The following ARHGAP20 variants were observed in gnomAD, a reference collection of about 807,000 sequenced individuals.
ARHGAP20 encodes Rho GTPase activating protein 20.
In ARHGAP20, 34 loss-of-function variants were observed where a neutral mutation model predicts 73.7. The observed-to-expected ratio is 0.46, with a 90% CI of 0.35 to 0.61. The LOEUF (loss-of-function observed/expected upper bound fraction) is 0.61. Among genes scored for constraint, ARHGAP20 ranks in the 20% least tolerant of loss-of-function variants. The pLI, the probability that ARHGAP20 is intolerant of heterozygous loss-of-function variation, is 0.00. For missense variants in ARHGAP20, 1,314 were observed against 1,420.9 expected (o/e 0.92, Z 1.21); for synonymous variants, 523 against 518.2 (o/e 1.01, Z -0.13).
chr11:110,585,129 GTGAATGTATATA>G (rs1276751753), intron 12 of ARHGAP20, among the ~76,000 whole-genome samples: 2 of 150,260 alleles, frequency 1.3e-5, no homozygotes, highest in Non-Finnish European at 3.0e-5. Context: ...ATGAATATAT[GTGAATGTATATA>G]TGAATATATA....
chr11:110,581,168 T>C lies in ARHGAP20; in HGVS notation c.1778A>G (p.Asn593Ser). ...ACTGCATGGTGCATCAACATCCTCA[T>C]TTAGCTCATTTTCCAAGCTGTCATA... The part of the protein sequence containing the change: ...SSYDSLENEL[N>S]EDVDAPCSDL... The change falls in exon 15 of 15, where the codon AAT becomes AGT. Residue 593 changes from asparagine (N) to serine (S), a missense_variant. Around this residue, in one of 3 missense-constraint regions of ARHGAP20, gnomAD observed 230 missense variants for 317.6 expected, o/e 0.72. Transcript: ENST00000683387. The C allele has an allele frequency of 6.2e-7, 1 of 1,614,136 alleles. No homozygotes were observed. Among genetic ancestry groups the C allele is most frequent in the Non-Finnish European group, 8.5e-7 (1 of 1,180,012 alleles).
chr11:110,622,509 A>G (rs116503706), intron 4 of ARHGAP20, among the ~76,000 whole-genome samples: 1 of 152,318 alleles, frequency 6.6e-6, no homozygotes, highest in African/African-American at 2.4e-5. Flanking sequence ...GTACATTACT[A>G]TCAAACTCTT....
At chr11:110,698,020 G>C (rs1043520311) in intron 1 of ARHGAP20, among the ~76,000 whole-genome samples, 1 of 151,640 alleles carries the variant, frequency 6.6e-6, no homozygotes, top group Non-Finnish European at 1.5e-5. Context: ...GAATAGTATG[G>C]GCATTTTAAT....
intron 2 of ARHGAP20, among the ~76,000 whole-genome samples, chr11:110,672,200 A>G (rs939303552): frequency 3.3e-5 from 5 of 152,170 alleles, no homozygotes; most frequent in Non-Finnish European, 5.9e-5. Flanking sequence ...TGCATCTCTA[A>G]AAGTACTGTT....
chr11:110,640,244 C>T (rs1221469945), intron 2 of ARHGAP20, among the ~76,000 whole-genome samples: 1 of 151,918 alleles, frequency 6.6e-6, no homozygotes, highest in Non-Finnish European at 1.5e-5. Flanking sequence ...ATCTATACTA[C>T]TCACCTCTCT....
chr11:110,635,508 G>T (rs1216945636), intron 2 of ARHGAP20, among the ~76,000 whole-genome samples: 1 of 152,034 alleles, frequency 6.6e-6, no homozygotes. Flanking sequence ...AGTATAAGTA[G>T]TTTATAGTTC....
Position 110,606,765 on chromosome 11 carries a change from T to TCTAAA in ARHGAP20, c.776-21_776-17dup. On this transcript the variant is annotated splice_polypyrimidine_tract_variant and intron_variant, in intron 8 of 14. Transcript: ENST00000683387. ...TATTCATGCCCTACACAGAGACAAATCTAAATGTAGACTTCAGGCTGACTG... is the reference window on the plus strand; with the variant it reads ...TATTCATGCCCTACACAGAGACAAATCTAAACTAAATGTAGACTTCAGGCTGACTG... 1 of 1,508,254 alleles carries TCTAAA rather than the reference T, an allele frequency of 6.6e-7. No homozygotes were observed. The highest frequency in any genetic ancestry group is 8.9e-7 in the Non-Finnish European group (1 of 1,128,936). 93.4% of individuals were successfully genotyped at this position (1,508,254 alleles called of 1,614,324 possible). A position where few individuals can be genotyped will look rare whatever the true frequency, so the allele number is the denominator to read the frequency against.
intron 10 of ARHGAP20, 129 bp from the exon 11 acceptor site, chr11:110,590,938 TAA>T: frequency 1.1e-6 from 1 of 943,900 alleles, no homozygotes. Context: ...TGGAGCTAAA[TAA>T]ATGGCCGGAA....
At chr11:110,674,366 A>G (rs1949889380) in intron 2 of ARHGAP20, among the ~76,000 whole-genome samples, 1 of 152,206 alleles carries the variant, frequency 6.6e-6, no homozygotes, top group Non-Finnish European at 1.5e-5. Flanking sequence ...AGCAATTATT[A>G]ATACAGGTTG....
chr11:110,711,677 C>T (rs879401625), intron 1 of ARHGAP20: 75 of 1,460,404 alleles, frequency 5.1e-5, no homozygotes, highest in Non-Finnish European at 6.3e-5. Flanking sequence ...CGCCGGCTGC[C>T]GCTCCCGGGC....
chr11:110,609,381 A>G (rs1350364873), intron 7 of ARHGAP20, among the ~76,000 whole-genome samples: 1 of 152,150 alleles, frequency 6.6e-6, no homozygotes, highest in Non-Finnish European at 1.5e-5. Context: ...AGACAACCTT[A>G]TTATCCAGAA....
chr11:110,619,444 A>C (rs1321394416), intron 4 of ARHGAP20, among the ~76,000 whole-genome samples: 1 of 151,232 alleles, frequency 6.6e-6, no homozygotes, highest in East Asian at 1.9e-4. Context: ...GCAGTGATAG[A>C]GTATATGTAG....
At chr11:110,584,805 T>C (rs1393750112) in intron 12 of ARHGAP20, among the ~76,000 whole-genome samples, 1 of 151,786 alleles carries the variant, frequency 6.6e-6, no homozygotes, top group Non-Finnish European at 1.5e-5. Flanking sequence ...GTCAGTTTTG[T>C]TTGTATTTAT....
At chr11:110,674,204 G>T (rs1346785786) in intron 2 of ARHGAP20, among the ~76,000 whole-genome samples, 4 of 152,112 alleles carry the variant, frequency 2.6e-5, no homozygotes, top group Non-Finnish European at 4.4e-5. Flanking sequence ...AAAGTGCTGG[G>T]ATTACAGGCG....
In ARHGAP20 at chr11:110,624,198, A is replaced by C. The variant is rs1948687498; in HGVS notation, c.467T>G (p.Leu156Trp). ...CACAAAGTTCACTGTGGGCCAGCCC[A>C]AAACAAAGGATTTCATGGCATTGGT... ...GNTNAMKSFV[L>W]GWPTVNFVAT... Residue 156 changes from leucine to tryptophan, a missense_variant, in exon 4 of 15, where the codon TTG becomes TGG. This residue lies in a region of ARHGAP20 where 443 missense variants were observed against 466.4 expected (regional missense o/e 0.95). Transcript: ENST00000683387. The C allele has an allele frequency of 6.2e-7, 1 of 1,613,032 alleles. No homozygotes were observed. Among genetic ancestry groups the C allele is most frequent in the Non-Finnish European group, 8.5e-7 (1 of 1,179,738 alleles).
chr11:110,640,595 T>C (rs948743269), intron 2 of ARHGAP20, among the ~76,000 whole-genome samples: 3 of 152,034 alleles, frequency 2.0e-5, no homozygotes, highest in African/African-American at 7.2e-5. Context: ...ATCTAATCTA[T>C]GGCAATTATC....
At chr11:110,635,765 GA>G (rs1272185693) in intron 2 of ARHGAP20, among the ~76,000 whole-genome samples, 4 of 151,392 alleles carry the variant, frequency 2.6e-5, no homozygotes, top group Non-Finnish European at 5.9e-5. Context: ...AGAGAACAAA[GA>G]AAAGGCCTAC....
rs773138067 is a variant in ARHGAP20, at chr11:110,712,176, GA to G, written c.55del (p.Ser19LeufsTer3). ...GAGCCGAGACACTCCTGTCAGGGAA[GA>G]GGAGCGCCCCGGCTGTCCCCCTAGA... ...ETLGGQPGRS[S>X]SLTGVSRLAG... On this transcript the variant is annotated frameshift_variant, in exon 1 of 15. Transcript: ENST00000683387. LOFTEE classifies it high-confidence loss of function. 16 of 1,369,144 alleles carry G rather than the reference GA, an allele frequency of 1.2e-5. No homozygotes were observed. Among genetic ancestry groups the G allele is most frequent in the Non-Finnish European group, 1.5e-5 (16 of 1,055,646 alleles). The allele number at this position is 1,369,144 out of a possible 1,614,324, so 84.8% of individuals were successfully genotyped here.
chr11:110,690,857 G>A (rs1950229560), intron 1 of ARHGAP20: 1 of 981,410 alleles, frequency 1.0e-6, no homozygotes, highest in African/African-American at 1.7e-5. Flanking sequence ...ATTTTTTGTG[G>A]TCAGAGAATA....
Sources: allele counts gnomAD v4.1 joint callset (sites outside exome capture counted in the v4.1 genomes callset), GRCh38; gene constraint gnomAD v4.1.1; regional missense constraint gnomAD v4.1.1; transcripts MANE v1.5; gene names NCBI Gene and HGNC (gene_info 2026-07-23, HGNC 2026-07-21).